The following ATP6V1C2 variants were observed in gnomAD, a reference collection of about 807,000 sequenced individuals.
ATP6V1C2 encodes the protein V-type proton ATPase subunit C 2.
In ATP6V1C2, 45 loss-of-function variants were observed where a neutral mutation model predicts 56.8. That is an observed-to-expected ratio of 0.79 (90% CI 0.62 to 1.02). The LOEUF is 1.02. Among genes scored for constraint, ATP6V1C2 ranks in the 50% least tolerant of loss-of-function variants. The pLI, the probability that ATP6V1C2 is intolerant of heterozygous loss-of-function variation, is 0.00. For synonymous variants in ATP6V1C2, 220 were observed against 201.3 expected, an observed-to-expected ratio of 1.09 and a Z score of -0.79; for missense variants, 463 against 519.7, an observed-to-expected ratio of 0.89 and a Z score of 1.06.
intron 11 of ATP6V1C2, 183 bp from the exon 12 acceptor site, chr2:10,778,389 C>T (rs1665135090): frequency 1.7e-6 from 1 of 603,156 alleles, no homozygotes; most frequent in Non-Finnish European, 2.9e-6. Context: ...TTCCCCGGCA[C>T]CAGGTGCCCT....
intron 3 of ATP6V1C2, among the ~76,000 whole-genome samples, chr2:10,742,444 CTG>C (rs1662610012): frequency 1.3e-5 from 2 of 152,170 alleles, no homozygotes; most frequent in Admixed American, 1.3e-4. Flanking sequence ...CCTGGAGACA[CTG>C]TGTCTTAAGG....
At chr2:10,775,977 C>T (rs1441215598) in intron 10 of ATP6V1C2, among the ~76,000 whole-genome samples, 2 of 152,110 alleles carry the variant, frequency 1.3e-5, no homozygotes, top group Non-Finnish European at 2.9e-5. Context: ...GGGAGGAGCG[C>T]CGTGGCCGCG....
intron 4 of ATP6V1C2, among the ~76,000 whole-genome samples, chr2:10,758,946 T>C (rs984285395): frequency 4.6e-5 from 7 of 152,208 alleles, no homozygotes; most frequent in Non-Finnish European, 1.0e-4. Flanking sequence ...GGATTACAAG[T>C]GTGAGCCACC....
chr2:10,765,361 C>T (rs185451256), intron 5 of ATP6V1C2, among the ~76,000 whole-genome samples: 96 of 152,356 alleles, frequency 6.3e-4, no homozygotes, highest in African/African-American at 2.2e-3. Context: ...GATGGCCTGG[C>T]CCTCCCTTCT....
At chr2:10,751,984 G>A (rs914712419) in intron 3 of ATP6V1C2, among the ~76,000 whole-genome samples, 1 of 151,920 alleles carries the variant, frequency 6.6e-6, no homozygotes, top group African/African-American at 2.4e-5. Context: ...ACCTGAGTCT[G>A]GGAGGTCAAG....
chr2:10,765,715 C>T (rs538081849), intron 5 of ATP6V1C2, among the ~76,000 whole-genome samples: 3 of 152,310 alleles, frequency 2.0e-5, no homozygotes, highest in South Asian at 2.1e-4. Flanking sequence ...TTTCAGAGGG[C>T]GCTGTGCATG....
chr2:10,770,276 T>A (rs929718194), intron 6 of ATP6V1C2, among the ~76,000 whole-genome samples: 1 of 152,106 alleles, frequency 6.6e-6, no homozygotes, highest in Non-Finnish European at 1.5e-5. Flanking sequence ...TGCGTGCCTG[T>A]AATCCCAGCT....
intron 3 of ATP6V1C2, among the ~76,000 whole-genome samples, chr2:10,752,568 G>A (rs986975579): frequency 2.0e-5 from 3 of 152,178 alleles, no homozygotes; most frequent in Admixed American, 6.5e-5. Context: ...GAGTTCTAAT[G>A]GCTTAGCCTT....
intron 3 of ATP6V1C2, among the ~76,000 whole-genome samples, chr2:10,743,758 G>C (rs1662693142): frequency 6.6e-6 from 1 of 151,864 alleles, no homozygotes; most frequent in Non-Finnish European, 1.5e-5. Context: ...GCCGAGGTGG[G>C]TGGATCACTT....
In ATP6V1C2 at chr2:10,768,763, C is replaced by A. The variant is rs147192450; in HGVS notation, c.423C>A (p.Ala141=). 55 of 1,614,046 alleles carry A rather than the reference C, an allele frequency of 3.4e-5. No homozygotes were observed. The African/African-American group carries it at 6.3e-4, about 18-fold the overall frequency. ...TGGACCTGAAGTCCCGAACGGCCGCCTACAACACTCTGAAGACAAACCTGG... is the reference window on the plus strand; with the variant it reads ...TGGACCTGAAGTCCCGAACGGCCGCATACAACACTCTGAAGACAAACCTGG... The part of the protein sequence containing the change: ...IEMDLKSRTA[A]YNTLKTNLEN... Residue 141 remains alanine (A), a synonymous_variant, in exon 6 of 14, where the codon GCC becomes GCA. Coordinates refer to ENST00000272238, the MANE Select transcript of ATP6V1C2 (RefSeq NM_001039362.2).
chr2:10,737,571 G>A lies in ATP6V1C2; in HGVS notation c.197+11002G>A, dbSNP rs184120064. ...GGGTGTGTTCTCTTGTTTTCATTGC[G>A]TAGCATTGATAAACGTCTATTGGAG... On this transcript the variant is annotated intron_variant, in intron 3 of 13. Coordinates refer to ENST00000272238, the MANE Select transcript of ATP6V1C2 (RefSeq NM_001039362.2). 3.3e-5 allele frequency among the ~76,000 whole-genome samples: 5 copies of A among 152,238 alleles called. No homozygotes were observed. In the South Asian group the frequency reaches 6.2e-4, roughly 19 times the overall value.
At position 10,782,307 on chromosome 2, in the gene ATP6V1C2, C is replaced by T. The variant is rs377277646; in HGVS notation, c.1126C>T (p.Arg376Cys). The change falls in exon 13 of 14, where the codon CGT (arginine) becomes TGT (cysteine). Residue 376 changes from arginine to cysteine, a missense_variant. Physicochemically the swap from Arg to Cys is radical, Grantham distance 180. Transcript: ENST00000272238. ...GCCGCATAAGAAGTCATCCACCAAG[C>T]GTTTAAGAGAGGTTCTAAACTCTGT... ...LQPHKKSSTK[R>C]LREVLNSVFR... is the part of the protein sequence containing the mutation. 43 of 1,614,038 alleles carry T rather than the reference C, an allele frequency of 2.7e-5. No homozygotes were observed. Among genetic ancestry groups the T allele is most frequent in the Non-Finnish European group, 3.5e-5 (41 of 1,180,018 alleles).
chr2:10,734,477 G>A (rs1407171258), intron 3 of ATP6V1C2, among the ~76,000 whole-genome samples: 7 of 152,086 alleles, frequency 4.6e-5, no homozygotes, highest in South Asian at 2.1e-4. Flanking sequence ...GTAACATGGC[G>A]GCCCTTGGTG....
In ATP6V1C2 at chr2:10,783,425, A is replaced by G. The variant is rs932825437; in HGVS notation, c.*162A>G. 5.8e-6 allele frequency: 3 copies of G among 514,514 alleles called. No individual in the cohort carries two copies. Among genetic ancestry groups the G allele is most frequent in the African/African-American group, 3.9e-5 (2 of 51,192 alleles). 31.9% of individuals were successfully genotyped at this position (514,514 alleles called of 1,614,324 possible). ...GTTGTATTTATTTTTTTAAGTTACA[A>G]TAAAATGCTCTCAAGTCCTTTGAAT... is the stretch of plus-strand genomic sequence containing the variant. On this transcript the variant is annotated 3_prime_UTR_variant, in exon 14 of 14. Coordinates refer to ENST00000272238, the MANE Select transcript of ATP6V1C2 (RefSeq NM_001039362.2).
intron 7 of ATP6V1C2, among the ~76,000 whole-genome samples, chr2:10,772,174 G>A (rs1664657319): frequency 6.6e-6 from 1 of 152,240 alleles, no homozygotes; most frequent in Non-Finnish European, 1.5e-5. Flanking sequence ...TATACCCAAT[G>A]TGTGGTCGAC....
intron 3 of ATP6V1C2, among the ~76,000 whole-genome samples, chr2:10,741,234 C>G (rs1662534385): frequency 6.6e-6 from 1 of 152,234 alleles, no homozygotes; most frequent in African/African-American, 2.4e-5. Flanking sequence ...CCAGAGTCCC[C>G]AGGGGGAGCC....
intron 3 of ATP6V1C2, among the ~76,000 whole-genome samples, chr2:10,750,691 T>G (rs774693708): frequency 6.6e-5 from 10 of 152,196 alleles, no homozygotes; most frequent in Non-Finnish European, 1.3e-4. Flanking sequence ...GCTGAGCAGC[T>G]GCTGTGAGTC....
chr2:10,737,775 C>T (rs1360878310), intron 3 of ATP6V1C2, among the ~76,000 whole-genome samples: 1 of 152,184 alleles, frequency 6.6e-6, no homozygotes, highest in African/African-American at 2.4e-5. Context: ...CTCACTGCAA[C>T]CTTTGCCTTC....
intron 3 of ATP6V1C2, among the ~76,000 whole-genome samples, chr2:10,744,819 C>T (rs1381726662): frequency 2.6e-5 from 4 of 151,030 alleles, no homozygotes; most frequent in Non-Finnish European, 4.4e-5. Flanking sequence ...CAGGCGTGCG[C>T]CACCACGCCC....
Sources: gnomAD v4.1 joint callset for allele counts (sites outside exome capture counted in the v4.1 genomes callset) on GRCh38, gnomAD v4.1.1 for gene constraint, MANE v1.5 for transcripts, NCBI Gene and HGNC (gene_info 2026-07-23, HGNC 2026-07-21) for gene names.